ZNF100: variants seen among roughly 807,000 people sequenced by gnomAD.
The protein encoded by ZNF100 is zinc finger protein 100.
ZNF100 carries 12 observed loss-of-function variants against 15.8 expected under a neutral mutation model. The observed-to-expected ratio is 0.76, with a 90% CI of 0.49 to 1.23. The LOEUF (loss-of-function observed/expected upper bound fraction) is 1.23, where lower values mean the gene tolerates loss of function less well. Ranked by LOEUF, ZNF100 falls within the 50% of genes most tolerant of loss-of-function variation. The pLI, the probability that ZNF100 is intolerant of heterozygous loss-of-function variation, is 0.00. For missense variants in ZNF100, 670 were observed against 635.6 expected (o/e 1.05, Z -0.58); for synonymous variants, 226 against 214.8 (o/e 1.05, Z -0.45).
chr19:21,758,164 A>ATT (rs2036421037), intron 2 of ZNF100, among the ~76,000 whole-genome samples: 1 of 152,156 alleles, frequency 6.6e-6, no homozygotes, highest in African/African-American at 2.4e-5. Context: ...GCTGGAGACC[A>ATT]TTAGCCTTAG....
rs1283819420 is a variant in ZNF100, at chr19:21,726,072, A to G, written c.*611T>C. The G allele has an allele frequency of 6.6e-6, 1 of 152,218 alleles. No individual in the cohort carries two copies. Among genetic ancestry groups the G allele is most frequent in the Admixed American group, 6.5e-5 (1 of 15,288 alleles). The allele number at this position is 152,218 out of a possible 1,614,324, so 9.4% of individuals were successfully genotyped here. On this transcript the variant is annotated 3_prime_UTR_variant, in exon 5 of 5. Coordinates refer to ENST00000358296, the MANE Select transcript of ZNF100 (RefSeq NM_173531.4). ...CTGCTTCAGAGGTTTCCTCTAATACAAAACGTGTACAGTAAGATCTGTGAT... is the reference window on the plus strand; with the variant it reads ...CTGCTTCAGAGGTTTCCTCTAATACGAAACGTGTACAGTAAGATCTGTGAT...
rs1413730224 is a variant in ZNF100 at position 21,725,779 on chromosome 19, GATT to G, written c.*901_*903del. 4.3e-4 allele frequency: 65 copies of G among 151,944 alleles called. No homozygotes were observed. Among genetic ancestry groups the G allele is most frequent in the Middle Eastern group, 3.4e-3 (1 of 294 alleles). The allele number at this position is 151,944 out of a possible 1,614,324, so 9.4% of individuals were successfully genotyped here. ...AAATATTTTACCAATTTTAGTTTTAGATTATTTTCTATACTCAGCACTCTGATT... is the reference window on the plus strand; with the variant it reads ...AAATATTTTACCAATTTTAGTTTTAGATTTTCTATACTCAGCACTCTGATT... On this transcript the variant is annotated 3_prime_UTR_variant, in exon 5 of 5. Transcript: ENST00000358296.
At chr19:21,759,625 C>T (rs1206371488) in intron 2 of ZNF100, among the ~76,000 whole-genome samples, 1 of 152,136 alleles carries the variant, frequency 6.6e-6, no homozygotes, top group Non-Finnish European at 1.5e-5. Flanking sequence ...GCTGATAAAA[C>T]AGTTTGCAGT....
chr19:21,750,369 A>T (rs2036281271), intron 2 of ZNF100, among the ~76,000 whole-genome samples: 1 of 152,206 alleles, frequency 6.6e-6, no homozygotes. Context: ...TCATTCTGAT[A>T]CCAAAACTGG....
intron 4 of ZNF100, 134 bp from the exon 5 acceptor site, chr19:21,728,123 T>C (rs2035847893): frequency 8.3e-6 from 7 of 844,334 alleles, no homozygotes; most frequent in Non-Finnish European, 9.5e-6. Context: ...TTTATAGACA[T>C]ATAAATGTAA....
intron 2 of ZNF100, among the ~76,000 whole-genome samples, chr19:21,747,680 G>C (rs1252612934): frequency 6.7e-6 from 1 of 149,060 alleles, no homozygotes; most frequent in African/African-American, 2.5e-5. Flanking sequence ...ACTCCATCCT[G>C]AAGTTTTATA....
At chr19:21,733,146 ACT>A (rs1459930125) in intron 4 of ZNF100, among the ~76,000 whole-genome samples, 3 of 152,116 alleles carry the variant, frequency 2.0e-5, no homozygotes, top group South Asian at 2.1e-4. Flanking sequence ...TAAATATAAA[ACT>A]CTCTATTAAA....
intron 2 of ZNF100, among the ~76,000 whole-genome samples, chr19:21,760,444 A>C (rs1024173415): frequency 6.6e-6 from 1 of 151,954 alleles, no homozygotes; most frequent in African/African-American, 2.4e-5. Flanking sequence ...GCAGTGAGCC[A>C]AGATTGCACC....
At chr19:21,739,084 C>G (rs745329629) in intron 4 of ZNF100, among the ~76,000 whole-genome samples, 2 of 152,200 alleles carry the variant, frequency 1.3e-5, no homozygotes, top group Admixed American at 6.5e-5. Context: ...ACCTCCCTAC[C>G]AGGTTCCACA....
At chr19:21,730,699 C>T (rs778726384) in intron 4 of ZNF100, among the ~76,000 whole-genome samples, 3 of 152,120 alleles carry the variant, frequency 2.0e-5, no homozygotes, top group Non-Finnish European at 2.9e-5. Context: ...TCGGGATACA[C>T]ATGCTTCTCA....
At chr19:21,747,406 C>T (rs1377123013) in intron 2 of ZNF100, among the ~76,000 whole-genome samples, 1 of 152,180 alleles carries the variant, frequency 6.6e-6, no homozygotes, top group African/African-American at 2.4e-5. Context: ...GGGCTGATAA[C>T]CACTTAGCTA....
chr19:21,752,092 CTTGTCAATGCAACAAAA>C, intron 2 of ZNF100: 1 of 196,948 alleles, frequency 5.1e-6, no homozygotes, highest in Non-Finnish European at 1.0e-5. Context: ...AGAATGGGAC[CTTGTCAATGCAACAAAA>C]CACTCTTCTG....
In ZNF100 at chr19:21,730,445, A is replaced by AGAGT. The variant is rs71178761; in HGVS notation, c.323-2457_323-2456insACTC. Reference sequence around the variant, plus strand: ...AATAGATTCATTTACTGATAACCTAAGTGTGTGTGTGTGTGTGTGTGTGTG... The same window carrying AGAGT: ...AATAGATTCATTTACTGATAACCTAAGAGTGTGTGTGTGTGTGTGTGTGTGTGTG... On this transcript the variant is annotated intron_variant, in intron 4 of 4. Transcript: ENST00000358296. Among the ~76,000 whole-genome samples the AGAGT allele has an allele frequency of 9.8e-3, 1,449 of 147,696 alleles. 19 individuals are homozygous for AGAGT. Among genetic ancestry groups the AGAGT allele is most frequent in the African/African-American group, 0.03 (1,206 of 40,342 alleles).
intron 4 of ZNF100, among the ~76,000 whole-genome samples, chr19:21,733,941 A>G (rs1187903358): frequency 6.6e-6 from 1 of 152,246 alleles, no homozygotes; most frequent in Non-Finnish European, 1.5e-5. Flanking sequence ...TAGGATCTGA[A>G]GTGGATCCCA....
chr19:21,728,624 C>T (rs2035857682), intron 4 of ZNF100, among the ~76,000 whole-genome samples: 1 of 152,040 alleles, frequency 6.6e-6, no homozygotes, highest in African/African-American at 2.4e-5. Context: ...GTTTGAGAGA[C>T]TCCCAGAATC....
intron 4 of ZNF100, among the ~76,000 whole-genome samples, chr19:21,728,879 C>T (rs1322835175): frequency 6.6e-6 from 1 of 150,896 alleles, no homozygotes; most frequent in Non-Finnish European, 1.5e-5. Context: ...AGACAGAGAA[C>T]TATAGAAAAT....
chr19:21,744,079 C>G lies in ZNF100; in HGVS notation c.260G>C (p.Cys87Ser). 4 of 1,611,996 alleles carry G rather than the reference C, an allele frequency of 2.5e-6. No individual in the cohort carries two copies. The highest frequency in any genetic ancestry group is 3.4e-6 in the Non-Finnish European group (4 of 1,179,382). Reference protein sequence around the residue: ...IALTKPDLITCLEQGKEPWNI... With the variant: ...IALTKPDLITSLEQGKEPWNI... ...CCAGGGCTCTTTTCCTTGCTCCAGA[C>G]AGGTGATCAGGTCTGGCTTAGTGAG... The change falls in exon 4 of 5, where the codon TGT (cysteine) becomes TCT (serine). Residue 87 changes from cysteine to serine, a missense_variant. By Grantham distance (112) the Cys-to-Ser change is moderately radical. Transcript: ENST00000358296.
At chr19:21,744,820 T>G in intron 3 of ZNF100, 121 bp downstream of exon 3, 1 of 1,482,076 alleles carries the variant, frequency 6.7e-7, no homozygotes, top group Non-Finnish European at 9.1e-7. Flanking sequence ...AGCCTCAAGA[T>G]TTTCTTGAAA....
In ZNF100 at chr19:21,727,216, T is replaced by G; in HGVS notation, c.1096A>C (p.Thr366Pro). 6.2e-7 allele frequency: 1 copy of G among 1,613,756 alleles called. No homozygotes were observed. Among genetic ancestry groups the G allele is most frequent in the African/African-American group, 1.3e-5 (1 of 75,020 alleles). ...TTGTAAGGTTTCTCTCCAGCATGAG[T>G]TATCTTATGTGTAGTAAGGGTTGAG... ...QSSTLTTHKI[T>P]HAGEKPYKCE... Residue 366 changes from threonine (T) to proline (P), a missense_variant, in exon 5 of 5, where the codon ACT becomes CCT. Physicochemically the swap from Thr to Pro is conservative, Grantham distance 38 (BLOSUM62 -1). Coordinates refer to ENST00000358296, the MANE Select transcript of ZNF100 (RefSeq NM_173531.4).
Sources: allele counts gnomAD v4.1 joint callset (sites outside exome capture counted in the v4.1 genomes callset), GRCh38; gene constraint gnomAD v4.1.1; transcripts MANE v1.5; gene names NCBI Gene and HGNC (gene_info 2026-07-23, HGNC 2026-07-21).